Variants in RBFOX1 observed in about 807,000 individuals in gnomAD.
RBFOX1 encodes RNA binding fox-1 homolog 1, also known as RNA binding protein fox-1 homolog 1.
In RBFOX1, 8 loss-of-function variants were observed where a neutral mutation model predicts 57.7. That is an observed-to-expected ratio of 0.14 (90% CI 0.08 to 0.25). The LOEUF (loss-of-function observed/expected upper bound fraction) is 0.25, where lower values mean the gene tolerates loss of function less well. Ranked by LOEUF, RBFOX1 falls within the 10% of genes least tolerant of loss-of-function variation. The probability of loss-of-function intolerance (pLI) is 1.00; values close to 1 mark genes in which losing one functional copy is unlikely to be tolerated. For synonymous variants in RBFOX1, 326 were observed against 222.4 expected (o/e 1.47, Z -4.15); for missense variants, 611 against 548.5 (o/e 1.11, Z -1.14).
At chr16:6,590,712 G>T (rs1046028939) in intron 2 of RBFOX1, among the ~76,000 whole-genome samples, 1 of 152,176 alleles carries the variant, frequency 6.6e-6, no homozygotes, top group Non-Finnish European at 1.5e-5. Context: ...TGGGAGGAGG[G>T]TTCGTATTGA....
intron 2 of RBFOX1, among the ~76,000 whole-genome samples, chr16:6,462,797 AT>A (rs2094952038): frequency 1.3e-5 from 2 of 152,032 alleles, no homozygotes; most frequent in Non-Finnish European, 2.9e-5. Flanking sequence ...TTTAAAAAGT[AT>A]TGAGTATACA....
intron 3 of RBFOX1, among the ~76,000 whole-genome samples, chr16:6,852,202 T>G (rs1489601126): frequency 6.6e-6 from 1 of 152,164 alleles, no homozygotes; most frequent in Non-Finnish European, 1.5e-5. Flanking sequence ...AGGGCTCTGC[T>G]TTCTCTGGAG....
intron 3 of RBFOX1, among the ~76,000 whole-genome samples, chr16:6,861,493 C>A (rs969802581): frequency 2.0e-5 from 3 of 151,310 alleles, no homozygotes; most frequent in South Asian, 2.1e-4. Flanking sequence ...CCCCTCCCCC[C>A]CCGACTCAAT....
intron 3 of RBFOX1, among the ~76,000 whole-genome samples, chr16:6,705,799 C>T (rs561380218): frequency 2.0e-5 from 3 of 152,254 alleles, no homozygotes; most frequent in Admixed American, 6.5e-5. Context: ...AGGCAGATCA[C>T]TTGAGCTCAG....
chr16:6,619,075 G>C (rs2098186220), intron 2 of RBFOX1, among the ~76,000 whole-genome samples: 2 of 152,044 alleles, frequency 1.3e-5, no homozygotes, highest in African/African-American at 4.8e-5. Context: ...GCTGCAGAGG[G>C]TCAAGGTTGC....
chr16:5,892,600 T>C (rs2058071671), intron 4 of RBFOX1, among the ~76,000 whole-genome samples: 1 of 152,126 alleles, frequency 6.6e-6, no homozygotes, highest in Non-Finnish European at 1.5e-5. Context: ...ACTTTTTTTG[T>C]GAAACAGTGA....
intron 3 of RBFOX1, among the ~76,000 whole-genome samples, chr16:6,682,629 A>G (rs185066886): frequency 6.6e-6 from 1 of 151,986 alleles, no homozygotes; most frequent in African/African-American, 2.4e-5. Context: ...AGATGTCGAG[A>G]GAGCTTTTCC....
chr16:5,757,157 C>G (rs76445070), intron 3 of RBFOX1, among the ~76,000 whole-genome samples: 2 of 150,978 alleles, frequency 1.3e-5, no homozygotes, highest in Non-Finnish European at 2.9e-5. Context: ...TGCCCTTGGT[C>G]GATATTCAGC....
intron 4 of RBFOX1, among the ~76,000 whole-genome samples, chr16:7,248,685 A>G (rs2153006333): frequency 6.6e-6 from 1 of 152,330 alleles, no homozygotes; most frequent in African/African-American, 2.4e-5. Context: ...ACTGCAGATA[A>G]GCACCAAGAA....
chr16:6,089,989 C>G (rs1316813198), intron 1 of RBFOX1: 1 of 152,140 alleles, frequency 6.6e-6, no homozygotes, highest in East Asian at 1.9e-4. Context: ...GTGGGTCTAA[C>G]TGGGCTAACA....
At chr16:7,080,407 C>T (rs1489763909) in intron 4 of RBFOX1, among the ~76,000 whole-genome samples, 2 of 152,144 alleles carry the variant, frequency 1.3e-5, no homozygotes, top group African/African-American at 2.4e-5. Context: ...CCTGGCAGAA[C>T]GGTCTTCACT....
In RBFOX1 at chr16:6,223,199, C is replaced by A. The variant is rs1302452398; in HGVS notation, c.-126-93796C>A. 9.9e-5 allele frequency among the ~76,000 whole-genome samples: 15 copies of A among 150,810 alleles called. 1 individual carries two copies. Among genetic ancestry groups the A allele is most frequent in the Non-Finnish European group, 1.0e-4 (7 of 67,786 alleles). On this transcript the variant is annotated intron_variant, in intron 1 of 15. Coordinates refer to ENST00000550418, the MANE Select transcript of RBFOX1 (RefSeq NM_018723.4). Reference sequence around the variant, plus strand: ...TCTTTATAGCAGCATGATTTATAGTCCTTTGGGTATATACCCAGTAATGGG... The same window carrying A: ...TCTTTATAGCAGCATGATTTATAGTACTTTGGGTATATACCCAGTAATGGG...
chr16:5,828,158 C>A (rs1197761200), intron 3 of RBFOX1, among the ~76,000 whole-genome samples: 1 of 151,966 alleles, frequency 6.6e-6, no homozygotes, highest in East Asian at 1.9e-4. Flanking sequence ...TTCAGTCTAT[C>A]CATCCCTGCA....
intron 2 of RBFOX1, among the ~76,000 whole-genome samples, chr16:6,404,274 T>C (rs2093192345): frequency 1.3e-5 from 2 of 152,232 alleles, no homozygotes; most frequent in Admixed American, 1.3e-4. Flanking sequence ...ATTTAAAGTA[T>C]ATGGGAGGAT....
At position 7,712,845 on chromosome 16, in the gene RBFOX1, A is replaced by G. The variant is rs1411206738; in HGVS notation, c.*2100A>G. On this transcript the variant is annotated 3_prime_UTR_variant, in exon 16 of 16. Coordinates refer to ENST00000550418, the MANE Select transcript of RBFOX1 (RefSeq NM_018723.4). ...ATTGCCGCCTCAGATTTCAAAATCC[A>G]GAATTTGTATTGTGTTTCGAATCAC... The G allele has an allele frequency of 6.6e-6, 1 of 152,256 alleles. No individual in the cohort carries two copies. Among genetic ancestry groups the G allele is most frequent in the Non-Finnish European group, 1.5e-5 (1 of 68,044 alleles). The allele number at this position is 152,256 out of a possible 1,614,324, so 9.4% of individuals were successfully genotyped here.
intron 3 of RBFOX1, among the ~76,000 whole-genome samples, chr16:6,999,065 C>T (rs1444709005): frequency 4.0e-5 from 6 of 151,198 alleles, no homozygotes; most frequent in East Asian, 3.9e-4. Context: ...GACAGGGTTT[C>T]ACCATGTTGG....
At chr16:6,970,121 C>T (rs772983242) in intron 3 of RBFOX1, among the ~76,000 whole-genome samples, 5 of 151,424 alleles carry the variant, frequency 3.3e-5, no homozygotes, top group Non-Finnish European at 4.4e-5. Flanking sequence ...AAGACTGAAG[C>T]GAGCTATGAT....
At chr16:6,768,363 G>C (rs1418954466) in intron 3 of RBFOX1, among the ~76,000 whole-genome samples, 1 of 151,820 alleles carries the variant, frequency 6.6e-6, no homozygotes, top group Non-Finnish European at 1.5e-5. Flanking sequence ...TTCTAGGGTA[G>C]ATGGTGTAGT....
At chr16:6,701,187 T>C (rs2061792916) in intron 3 of RBFOX1, among the ~76,000 whole-genome samples, 1 of 152,030 alleles carries the variant, frequency 6.6e-6, no homozygotes, top group South Asian at 2.1e-4. Context: ...GCTGGGACTT[T>C]ACCTCCTACC....
Sources: allele counts gnomAD v4.1 joint callset (sites outside exome capture counted in the v4.1 genomes callset), GRCh38; gene constraint gnomAD v4.1.1; transcripts MANE v1.5; gene names NCBI Gene and HGNC (gene_info 2026-07-23, HGNC 2026-07-21).